STUM: variants seen among roughly 807,000 people sequenced by gnomAD.
The protein encoded by STUM is stum, mechanosensory transduction mediator homolog.
Under a neutral mutation model 15.3 loss-of-function variants are expected in STUM, and 8 were observed. The observed-to-expected ratio is 0.52, with a 90% CI of 0.31 to 0.94. The LOEUF (loss-of-function observed/expected upper bound fraction) is 0.94, where lower values mean the gene tolerates loss of function less well. STUM is among the 40% of genes least tolerant of loss of function. The pLI is 0.05. For synonymous variants in STUM, 78 were observed against 88.7 expected (o/e 0.88, Z 0.68); for missense variants, 142 against 204.9 (o/e 0.69, Z 1.87).
intron 1 of STUM, among the ~76,000 whole-genome samples, chr1:226,555,438 C>G (rs149494772): frequency 5.7e-4 from 87 of 152,356 alleles, no homozygotes; most frequent in African/African-American, 2.0e-3. Context: ...TCTCCCTCCT[C>G]TTTCCCCATC....
At chr1:226,566,847 A>G (rs1221830220) in intron 1 of STUM, among the ~76,000 whole-genome samples, 1 of 152,226 alleles carries the variant, frequency 6.6e-6, no homozygotes, top group Non-Finnish European at 1.5e-5. Context: ...TTTTAAAAAT[A>G]CTTGTGAGAC....
In STUM at chr1:226,567,979, G is replaced by A. The variant is rs1667650132; in HGVS notation, c.202+18873G>A. 6.6e-6 allele frequency among the ~76,000 whole-genome samples: 1 copy of A among 152,200 alleles called. No individual in the cohort carries two copies. Among genetic ancestry groups the A allele is most frequent in the African/African-American group, 2.4e-5 (1 of 41,444 alleles). The stretch of plus-strand genomic sequence containing the variant: ...GGCTGAGCACTGATCTCCATTCCTT[G>A]GAAGCCAAACCTGAGACACCCGGGA... On this transcript the variant is annotated intron_variant, in intron 1 of 3. Transcript: ENST00000366788. This position sits in a 1 kb window ranked among gnomAD's most constrained non-coding sequence, Gnocchi z 4.5.
chr1:226,562,474 G>GA (rs58206352), intron 1 of STUM, among the ~76,000 whole-genome samples: 2,306 of 108,304 alleles, frequency 0.021, 19 homozygotes, highest in South Asian at 0.05. Flanking sequence ...GACTCCTTCT[G>GA]AAAAAAAAAA....
chr1:226,587,595 G>A (rs565350540), intron 1 of STUM, among the ~76,000 whole-genome samples: 1 of 152,086 alleles, frequency 6.6e-6, no homozygotes, highest in Admixed American at 6.5e-5. Flanking sequence ...GCATTTACCC[G>A]AGACCCTGGG....
chr1:226,582,102 G>A (rs1667927558), intron 1 of STUM, among the ~76,000 whole-genome samples: 1 of 152,208 alleles, frequency 6.6e-6, no homozygotes, highest in Non-Finnish European at 1.5e-5. Flanking sequence ...TGGAAGCCCT[G>A]GTCCCAGGGA....
intron 3 of STUM, among the ~76,000 whole-genome samples, chr1:226,601,739 C>G (rs997742572): frequency 7.2e-5 from 11 of 152,214 alleles, no homozygotes; most frequent in African/African-American, 2.4e-4. Flanking sequence ...GGTTCAGGAG[C>G]ATGTCGATAG....
rs548682116 is a variant in STUM, at chr1:226,593,402, C to T, written c.203-3400C>T. Among the ~76,000 whole-genome samples the T allele has an allele frequency of 2.6e-4, 40 of 152,204 alleles. No homozygotes were observed. In the South Asian group the frequency reaches 7.5e-3, roughly 28 times the overall value. ...CCTTCCCCTTGTCACCACCCTGCCC[C>T]CTGCACCATCCTCACCCTTCTCCTC... On this transcript the variant is annotated intron_variant, in intron 1 of 3. Transcript: ENST00000366788.
intron 1 of STUM, among the ~76,000 whole-genome samples, chr1:226,583,199 G>C (rs553671869): frequency 1.3e-5 from 2 of 151,886 alleles, no homozygotes; most frequent in East Asian, 3.9e-4. Flanking sequence ...CAAAGGATGG[G>C]GAAGCAGATT....
intron 1 of STUM, among the ~76,000 whole-genome samples, chr1:226,578,813 C>T (rs901306575): frequency 2.0e-5 from 3 of 152,192 alleles, no homozygotes; most frequent in African/African-American, 7.2e-5. Flanking sequence ...CCCCTCCCAT[C>T]CCTGAGTCTT....
intron 1 of STUM, among the ~76,000 whole-genome samples, chr1:226,579,628 C>CTTTTTTTTT (rs772749044): frequency 1.3e-4 from 17 of 132,190 alleles, no homozygotes; most frequent in South Asian, 2.4e-4. Context: ...GGCCTTATTT[C>CTTTTTTTTT]TTTTTCTTTT....
At chr1:226,573,888 G>A (rs906313003) in intron 1 of STUM, among the ~76,000 whole-genome samples, 1 of 150,818 alleles carries the variant, frequency 6.6e-6, no homozygotes, top group African/African-American at 2.4e-5. Flanking sequence ...AGGCTGGGGT[G>A]CAGTGGTGTG....
rs1394863684 is a variant in STUM, at chr1:226,600,782, T to C, written c.391+108T>C. 5.0e-6 allele frequency: 6 copies of C among 1,211,812 alleles called. No homozygotes were observed. The Admixed American group carries it at 7.1e-5, about 14-fold the overall frequency. The allele number at this position is 1,211,812 out of a possible 1,614,324, so 75.1% of individuals were successfully genotyped here. ...ACACCCCACCCACTCTCCCAGTGGG[T>C]CAATGGGCTTTTATGTTTAGCTTGA... On this transcript the variant is annotated intron_variant, in intron 3 of 3. Transcript: ENST00000366788. This position sits in a 1 kb window ranked among gnomAD's most constrained non-coding sequence, Gnocchi z 5.2.
intron 1 of STUM, among the ~76,000 whole-genome samples, chr1:226,559,502 C>T (rs1028976839): frequency 7.2e-5 from 11 of 152,254 alleles, no homozygotes; most frequent in East Asian, 3.9e-4. Flanking sequence ...CTGAACACAC[C>T]GCTGTTAATG....
intron 1 of STUM, among the ~76,000 whole-genome samples, chr1:226,558,606 C>T (rs988732206): frequency 1.6e-4 from 24 of 152,174 alleles, no homozygotes; most frequent in African/African-American, 3.9e-4. Flanking sequence ...GCGAGGGATG[C>T]GTCTCTGAGG....
intron 2 of STUM, chr1:226,597,456 C>G (rs1022853685): frequency 2.1e-6 from 1 of 472,458 alleles, no homozygotes; most frequent in Admixed American, 2.3e-5. Flanking sequence ...TTGACCTCAC[C>G]TCTCAGGCAC....
At chr1:226,553,274 C>A (rs1302684225) in intron 1 of STUM, among the ~76,000 whole-genome samples, 1 of 152,032 alleles carries the variant, frequency 6.6e-6, no homozygotes, top group Non-Finnish European at 1.5e-5. Context: ...GAAGGACATT[C>A]TAGAGAGTAG....
intron 1 of STUM, among the ~76,000 whole-genome samples, chr1:226,577,496 T>TTC (rs1667836168): frequency 1.1e-5 from 1 of 93,762 alleles, no homozygotes; most frequent in Non-Finnish European, 2.3e-5. Flanking sequence ...ACGAAACAGT[T>TTC]TCTCACACAC....
At chr1:226,588,403 T>C (rs1159587128) in intron 1 of STUM, among the ~76,000 whole-genome samples, 1 of 152,224 alleles carries the variant, frequency 6.6e-6, no homozygotes, top group Non-Finnish European at 1.5e-5. Flanking sequence ...TCAGCACATA[T>C]GAGCACAGGA....
Position 226,567,744 on chromosome 1 carries a change from C to T in STUM, c.202+18638C>T, listed in dbSNP as rs538168993. On this transcript the variant is annotated intron_variant, in intron 1 of 3. Transcript: ENST00000366788. This position sits in a 1 kb window ranked among gnomAD's most constrained non-coding sequence, Gnocchi z 4.5. Reference sequence around the variant, plus strand: ...GCCAGCGTGAGATGGATGATTCTGCCGAGGGGTCTCTAGTGAGCAGGTCAC... The same window carrying T: ...GCCAGCGTGAGATGGATGATTCTGCTGAGGGGTCTCTAGTGAGCAGGTCAC... Among the ~76,000 whole-genome samples, 8 of 152,154 alleles carry T rather than the reference C, an allele frequency of 5.3e-5. No homozygotes were observed. Among genetic ancestry groups the T allele is most frequent in the Non-Finnish European group, 1.2e-4 (8 of 67,996 alleles).
Sources: allele counts gnomAD v4.1 joint callset (sites outside exome capture counted in the v4.1 genomes callset), GRCh38; gene constraint gnomAD v4.1.1; non-coding constraint Gnocchi (gnomAD v3.1); transcripts MANE v1.5; gene names NCBI Gene and HGNC (gene_info 2026-07-23, HGNC 2026-07-21).